Variants in WSCD2 observed in about 807,000 individuals in gnomAD.
WSCD2 encodes the protein WSC domain sialate O sulfotransferase 2.
Under a neutral mutation model 55.7 loss-of-function variants are expected in WSCD2, and 28 were observed. That is an observed-to-expected ratio of 0.50 (90% CI 0.37 to 0.69). The LOEUF (loss-of-function observed/expected upper bound fraction) is 0.69. WSCD2 is among the 30% of genes least tolerant of loss of function. WSCD2 has a pLI of 0.00. For synonymous variants in WSCD2, 301 were observed against 301.9 expected, an observed-to-expected ratio of 1.00 and a Z score of 0.03; for missense variants, 616 against 762.1, an observed-to-expected ratio of 0.81 and a Z score of 2.26.
chr12:108,211,450 T>C (rs9739670), intron 4 of WSCD2, among the ~76,000 whole-genome samples: 15,461 of 152,028 alleles, frequency 0.1, 1,659 homozygotes, highest in African/African-American at 0.28. Flanking sequence ...TGCTGGTCCA[T>C]AGACCACATT....
rs745605380 is a variant in WSCD2 at position 108,210,073 on chromosome 12, G to A, written c.498-48G>A. 11 of 1,611,712 alleles carry A rather than the reference G, an allele frequency of 6.8e-6. No homozygotes were observed. Among genetic ancestry groups the A allele is most frequent in the East Asian group, 2.2e-5 (1 of 44,846 alleles). On this transcript the variant is annotated intron_variant, in intron 3 of 8. Transcript: ENST00000547525. This position sits in a 1 kb window ranked among gnomAD's most constrained non-coding sequence, Gnocchi z 4.3. ...TCTCCATGTTGTGTCTCCCTGCCTCGGGGTCTCCATGGTGGCAGCTACCCT... is the reference window on the plus strand; with the variant it reads ...TCTCCATGTTGTGTCTCCCTGCCTCAGGGTCTCCATGGTGGCAGCTACCCT...
rs139237724 is a variant in WSCD2 at position 108,201,602 on chromosome 12, C to T, written c.383-4687C>T. Among the ~76,000 whole-genome samples the T allele has an allele frequency of 4.5e-3, 687 of 152,184 alleles. 2 individuals are homozygous for T. The highest frequency in any genetic ancestry group is 0.016 in the African/African-American group (649 of 41,510). On this transcript the variant is annotated intron_variant, in intron 2 of 8. Transcript: ENST00000547525. ...CACTTTTCAGGTGGAGAACTGCACC[C>T]CGAAGAGCTTGAGTAATATTTGAGG... is the stretch of plus-strand genomic sequence containing the variant.
chr12:108,179,724 G>A (rs1359174634), intron 1 of WSCD2, among the ~76,000 whole-genome samples: 1 of 152,218 alleles, frequency 6.6e-6, no homozygotes, highest in African/African-American at 2.4e-5. Flanking sequence ...GAGCCACACA[G>A]CCCTAGGTTG....
rs545081989 is a variant in WSCD2, at chr12:108,132,723, A to C, written c.-552+2797A>C. Among the ~76,000 whole-genome samples, 5 of 151,886 alleles carry C rather than the reference A, an allele frequency of 3.3e-5. No individual in the cohort carries two copies. In the South Asian group the frequency reaches 1.0e-3, roughly 32 times the overall value. On this transcript the variant is annotated intron_variant, in intron 1 of 8. Transcript: ENST00000547525. ...GAAATATCCGTGTTTAAGAAGCTAT[A>C]CTCTCTGCCTGGTGCATGTTTTCAT... is the stretch of plus-strand genomic sequence containing the variant.
chr12:108,141,021 A>T (rs141819490), intron 1 of WSCD2, among the ~76,000 whole-genome samples: 2 of 152,316 alleles, frequency 1.3e-5, no homozygotes, highest in East Asian at 3.9e-4. Context: ...TGAGCAAGAC[A>T]ATCTTTACAT....
At chr12:108,133,240 G>T (rs761918845) in intron 1 of WSCD2, among the ~76,000 whole-genome samples, 1 of 152,140 alleles carries the variant, frequency 6.6e-6, no homozygotes, top group Non-Finnish European at 1.5e-5. Context: ...CAGTTGCAGC[G>T]TACATTTGAG....
chr12:108,171,593 T>G (rs1408834949), intron 1 of WSCD2: 2 of 152,242 alleles, frequency 1.3e-5, no homozygotes, highest in Non-Finnish European at 2.9e-5. Context: ...ATTTCACTTG[T>G]TCCTTCTTCA....
At position 108,174,791 on chromosome 12, in the gene WSCD2, G is replaced by A. The variant is rs77901542; in HGVS notation, c.-551-20491G>A. 5.3e-3 allele frequency among the ~76,000 whole-genome samples: 806 copies of A among 152,244 alleles called. 7 individuals carry two copies. Among genetic ancestry groups the A allele is most frequent in the African/African-American group, 0.019 (775 of 41,558 alleles). On this transcript the variant is annotated intron_variant, in intron 1 of 8. Coordinates refer to ENST00000547525, the MANE Select transcript of WSCD2 (RefSeq NM_014653.4). Reference sequence around the variant, plus strand: ...CACTGCACCTGGCTAACTTTAAAACGTGAGTTTTTTTGCAGAGATGGGGTC... The same window carrying A: ...CACTGCACCTGGCTAACTTTAAAACATGAGTTTTTTTGCAGAGATGGGGTC...
chr12:108,163,311 G>A (rs932887500), intron 1 of WSCD2, among the ~76,000 whole-genome samples: 1 of 152,174 alleles, frequency 6.6e-6, no homozygotes, highest in African/African-American at 2.4e-5. Flanking sequence ...GGAGCTTGCA[G>A]TGAGCAGAGA....
At chr12:108,205,149 A>C (rs1885177211) in intron 2 of WSCD2, among the ~76,000 whole-genome samples, 2 of 152,180 alleles carry the variant, frequency 1.3e-5, no homozygotes, top group South Asian at 4.2e-4. Context: ...AATGTTCTCC[A>C]CTTCACATGG....
intron 7 of WSCD2, among the ~76,000 whole-genome samples, chr12:108,238,456 C>A (rs1276611609): frequency 2.0e-5 from 3 of 152,216 alleles, no homozygotes; most frequent in African/African-American, 7.2e-5. Context: ...CCAGTCTTCA[C>A]CTCCATCCAT....
intron 1 of WSCD2, among the ~76,000 whole-genome samples, chr12:108,143,944 A>G (rs1592877711): frequency 6.6e-6 from 1 of 152,162 alleles, no homozygotes; most frequent in African/African-American, 2.4e-5. Flanking sequence ...AGGCAGGAGG[A>G]CTATGGTGAG....
intron 1 of WSCD2, among the ~76,000 whole-genome samples, chr12:108,182,867 C>T (rs1038401154): frequency 1.6e-4 from 24 of 151,976 alleles, no homozygotes; most frequent in Non-Finnish European, 2.9e-4. Flanking sequence ...ACAGAACGGA[C>T]CCTAGTATCC....
chr12:108,232,866 A>C lies in WSCD2; in HGVS notation c.1115A>C (p.Tyr372Ser). 1.2e-6 allele frequency: 2 copies of C among 1,613,686 alleles called. No homozygotes were observed. Among genetic ancestry groups the C allele is most frequent in the Non-Finnish European group, 1.7e-6 (2 of 1,179,694 alleles). The change falls in exon 7 of 9, where the codon TAC becomes TCC. Residue 372 changes from tyrosine (Y) to serine (S), a missense_variant. Around this residue, in one of 3 missense-constraint regions of WSCD2, gnomAD observed 234 missense variants for 264.6 expected, o/e 0.88. Coordinates refer to ENST00000547525, the MANE Select transcript of WSCD2 (RefSeq NM_014653.4). ...GCCACAGGCTTCTACACTGGCAGCT[A>C]CTACTTCGATGGCTCCCTCTACAAC... Reference protein sequence around the residue: ...ELATGFYTGSYYFDGSLYNKG... With the variant: ...ELATGFYTGSSYFDGSLYNKG...
chr12:108,232,745 G>A lies in WSCD2; in HGVS notation c.994G>A (p.Asp332Asn), dbSNP rs1315699579. The A allele has an allele frequency of 2.5e-6, 4 of 1,612,768 alleles. No homozygotes were observed. The highest frequency in any genetic ancestry group is 2.2e-5 in the East Asian group (1 of 44,826). Residue 332 changes from aspartate to asparagine, a missense_variant, in exon 7 of 9, where the codon GAC (aspartate) becomes AAC (asparagine). By Grantham distance (23) the Asp-to-Asn change is conservative. This residue lies in a region of WSCD2 where 374 missense variants were observed against 467.4 expected (regional missense o/e 0.80). Transcript: ENST00000547525. ...QTQVQDNRCMDRRFLPGKSKQ... is the reference protein window; with the variant it reads ...QTQVQDNRCMNRRFLPGKSKQ... ...GCCCTTTTCAGACAACCGTTGCATG[G>A]ACAGAAGGTTCCTGCCAGGCAAGTC...
chr12:108,189,327 C>A (rs898982044), intron 1 of WSCD2: 2 of 152,136 alleles, frequency 1.3e-5, no homozygotes, highest in Non-Finnish European at 2.9e-5. Flanking sequence ...CTAAGTCCCA[C>A]TGGAGAAATA....
At chr12:108,203,077 A>C (rs1884910508) in intron 2 of WSCD2, among the ~76,000 whole-genome samples, 1 of 152,198 alleles carries the variant, frequency 6.6e-6, no homozygotes, top group South Asian at 2.1e-4. Context: ...CTGGACATGG[A>C]TTTGGTCTGA....
At chr12:108,223,300 A>C (rs569865804) in intron 4 of WSCD2, among the ~76,000 whole-genome samples, 50 of 152,384 alleles carry the variant, frequency 3.3e-4, no homozygotes, top group African/African-American at 1.1e-3. Context: ...CATCACAGTT[A>C]TTAAAATGTT....
At chr12:108,152,548 C>A (rs573010106) in intron 1 of WSCD2, among the ~76,000 whole-genome samples, 1 of 152,100 alleles carries the variant, frequency 6.6e-6, no homozygotes, top group Non-Finnish European at 1.5e-5. Context: ...GGGATGATGA[C>A]GAACTTCCCC....
Sources: allele counts gnomAD v4.1 joint callset (sites outside exome capture counted in the v4.1 genomes callset), GRCh38; gene constraint gnomAD v4.1.1; regional missense constraint gnomAD v4.1.1; non-coding constraint Gnocchi (gnomAD v3.1); transcripts MANE v1.5; gene names NCBI Gene and HGNC (gene_info 2026-07-23, HGNC 2026-07-21).